ARAP2: variants seen among roughly 807,000 people sequenced by gnomAD.
ARAP2 encodes the protein ArfGAP with RhoGAP domain, ankyrin repeat and PH domain 2, also known as arf-GAP with Rho-GAP domain, ANK repeat and PH domain-containing protein 2.
In ARAP2, 148 loss-of-function variants were observed where a neutral mutation model predicts 194.5. That is an observed-to-expected ratio of 0.76 (90% CI 0.67 to 0.87). The LOEUF (loss-of-function observed/expected upper bound fraction) is 0.87, where lower values mean the gene tolerates loss of function less well. Ranked by LOEUF, ARAP2 falls within the 40% of genes least tolerant of loss-of-function variation. The pLI is 0.00. For synonymous variants in ARAP2, 695 were observed against 683.5 expected (o/e 1.02, Z -0.26); for missense variants, 2,128 against 1,989.7 (o/e 1.07, Z -1.32).
At chr4:36,034,817 G>A (rs763577043) in intron 5 of ARAP2, among the ~76,000 whole-genome samples, 15 of 152,122 alleles carry the variant, frequency 9.9e-5, no homozygotes, top group Non-Finnish European at 1.5e-4. Flanking sequence ...GAATGTTATC[G>A]AAAACCTTTT....
rs766640340 is a variant in ARAP2, at chr4:36,210,484, C to T, written c.1393G>A (p.Val465Ile). The T allele has an allele frequency of 2.5e-5, 40 of 1,613,778 alleles. No homozygotes were observed. Among genetic ancestry groups the T allele is most frequent in the Admixed American group, 2.3e-4 (14 of 59,980 alleles). The change falls in exon 6 of 33, where the codon GTT becomes ATT. Residue 465 changes from valine to isoleucine, a missense_variant. By Grantham distance (29) the Val-to-Ile change is conservative (BLOSUM62 3). Coordinates refer to ENST00000303965, the MANE Select transcript of ARAP2 (RefSeq NM_015230.4). Reference sequence around the variant, plus strand: ...TAGGGAGATATTGCCTGTGAAGAAACGGCTGATGAATCAGCATTTCCACTT... The same window carrying T: ...TAGGGAGATATTGCCTGTGAAGAAATGGCTGATGAATCAGCATTTCCACTT... Reference protein sequence around the residue: ...STSGNADSSAVSSQAISPYAC... With the variant: ...STSGNADSSAISSQAISPYAC...
intron 8 of ARAP2, among the ~76,000 whole-genome samples, chr4:36,185,978 C>CAA (rs1054588041): frequency 7.4e-6 from 1 of 135,148 alleles, no homozygotes. Flanking sequence ...AACTCTGTCT[C>CAA]AAAAAAAAAA....
chr4:36,222,700 A>T (rs1749441399), intron 2 of ARAP2, among the ~76,000 whole-genome samples: 2 of 151,830 alleles, frequency 1.3e-5, no homozygotes, highest in African/African-American at 2.4e-5. Flanking sequence ...TTAATAAACT[A>T]AAGTCTGGGT....
chr4:36,145,521 T>C (rs1316422509), intron 19 of ARAP2, among the ~76,000 whole-genome samples: 1 of 151,800 alleles, frequency 6.6e-6, no homozygotes, highest in African/African-American at 2.4e-5. Flanking sequence ...CACTGAGGAC[T>C]CCAAAAGTGG....
intron 6 of ARAP2, among the ~76,000 whole-genome samples, chr4:36,199,252 T>C (rs1743851491): frequency 6.6e-6 from 1 of 152,260 alleles, no homozygotes; most frequent in African/African-American, 2.4e-5. Flanking sequence ...TTGAAAAGTT[T>C]ACCATTAATT....
chr4:36,207,727 G>T (rs1745867763), intron 6 of ARAP2, among the ~76,000 whole-genome samples: 1 of 151,838 alleles, frequency 6.6e-6, no homozygotes, highest in Admixed American at 6.6e-5. Context: ...ATTGTATTTT[G>T]ACAATTGTAT....
downstream of ARAP2, among the ~76,000 whole-genome samples, chr4:36,062,020 G>A (rs1724523483): frequency 6.6e-6 from 1 of 152,004 alleles, no homozygotes; most frequent in African/African-American, 2.4e-5. Flanking sequence ...TACAATTGTT[G>A]AGCTTGTTAT....
intron 19 of ARAP2, among the ~76,000 whole-genome samples, chr4:36,136,781 A>ATATG (rs1553915985): frequency 9.4e-6 from 1 of 106,576 alleles, no homozygotes; most frequent in Non-Finnish European, 1.8e-5. Context: ...AGAATCAAAT[A>ATATG]TATGTGTGTG....
chr4:36,169,699 C>T (rs1320294916), intron 9 of ARAP2, among the ~76,000 whole-genome samples: 8 of 151,950 alleles, frequency 5.3e-5, no homozygotes, highest in Non-Finnish European at 1.0e-4. Context: ...GCCCAGCTAA[C>T]TTTTTTTGTA....
intron 2 of ARAP2, among the ~76,000 whole-genome samples, chr4:36,217,272 G>A (rs996317571): frequency 6.6e-6 from 1 of 152,224 alleles, no homozygotes; most frequent in Non-Finnish European, 1.5e-5. Context: ...AGCACTTTGG[G>A]AAACCGAGGT....
chr4:36,194,436 G>A (rs1003400021), intron 6 of ARAP2, among the ~76,000 whole-genome samples: 17 of 152,006 alleles, frequency 1.1e-4, no homozygotes, highest in South Asian at 2.1e-4. Context: ...GAAAATATAC[G>A]AAAACGAACT....
At chr4:36,203,663 A>T (rs551300969) in intron 6 of ARAP2, among the ~76,000 whole-genome samples, 2 of 152,222 alleles carry the variant, frequency 1.3e-5, no homozygotes, top group East Asian at 3.9e-4. Context: ...TTTAAAAGAT[A>T]CTAGCATCTA....
At chr4:36,078,960 C>T (rs917901570) in intron 31 of ARAP2, among the ~76,000 whole-genome samples, 2 of 151,780 alleles carry the variant, frequency 1.3e-5, no homozygotes, top group African/African-American at 2.4e-5. Flanking sequence ...GATCACCTGA[C>T]GTCAGAAGTT....
At chr4:36,239,962 T>A (rs1368659600) in intron 1 of ARAP2, among the ~76,000 whole-genome samples, 2 of 152,104 alleles carry the variant, frequency 1.3e-5, no homozygotes, top group Non-Finnish European at 2.9e-5. Flanking sequence ...CCCTCCTCAA[T>A]CCCTTATTAG....
chr4:36,198,513 T>C (rs1743654240), intron 6 of ARAP2, among the ~76,000 whole-genome samples: 1 of 152,200 alleles, frequency 6.6e-6, no homozygotes, highest in African/African-American at 2.4e-5. Context: ...AGGCTGTTCA[T>C]GTCAAGAGGT....
At chr4:36,177,273 C>T (rs1057177069) in intron 9 of ARAP2, among the ~76,000 whole-genome samples, 3 of 151,876 alleles carry the variant, frequency 2.0e-5, no homozygotes, top group African/African-American at 7.3e-5. Context: ...TGTAGATGTG[C>T]GTGTATAGCT....
intron 6 of ARAP2, among the ~76,000 whole-genome samples, chr4:36,201,347 A>AC (rs1167007612): frequency 6.6e-6 from 1 of 152,210 alleles, no homozygotes; most frequent in Non-Finnish European, 1.5e-5. Flanking sequence ...AGTACCCAGG[A>AC]CATCCCTGTA....
chr4:36,114,674 G>A (rs889112485), intron 25 of ARAP2, among the ~76,000 whole-genome samples: 5 of 151,912 alleles, frequency 3.3e-5, no homozygotes, highest in Admixed American at 2.6e-4. Flanking sequence ...GGTTTATTCA[G>A]CCTAGATTCT....
At chr4:36,132,090 T>C (rs1245860144) in intron 20 of ARAP2, among the ~76,000 whole-genome samples, 1 of 151,786 alleles carries the variant, frequency 6.6e-6, no homozygotes, top group East Asian at 1.9e-4. Context: ...ATGCCTAAGT[T>C]TAATTTCTGA....
Sources: allele counts gnomAD v4.1 joint callset (sites outside exome capture counted in the v4.1 genomes callset), GRCh38; gene constraint gnomAD v4.1.1; transcripts MANE v1.5; gene names NCBI Gene and HGNC (gene_info 2026-07-23, HGNC 2026-07-21).